The following FHOD3 variants were observed in gnomAD, a reference collection of about 807,000 sequenced individuals.
FHOD3 encodes the protein FH1/FH2 domain-containing protein 3.
A neutral mutation model predicts 173.0 loss-of-function variants in FHOD3; 90 were observed. That is an observed-to-expected ratio of 0.52 (90% CI 0.44 to 0.62). The LOEUF is 0.62. Ranked by LOEUF, FHOD3 falls within the 20% of genes least tolerant of loss-of-function variation. The pLI is 0.00. For synonymous variants in FHOD3, 828 were observed against 823.0 expected, an observed-to-expected ratio of 1.01 and a Z score of -0.10; for missense variants, 1,945 against 2,034.7, an observed-to-expected ratio of 0.96 and a Z score of 0.85.
chr18:36,705,056 A>T (rs904322752), intron 17 of FHOD3, among the ~76,000 whole-genome samples: 1 of 152,140 alleles, frequency 6.6e-6, no homozygotes, highest in Non-Finnish European at 1.5e-5. Context: ...CTCACTCCAC[A>T]GCTCGCAGGC....
chr18:36,630,834 T>A (rs1483012041), intron 10 of FHOD3, among the ~76,000 whole-genome samples: 1 of 152,192 alleles, frequency 6.6e-6, no homozygotes, highest in African/African-American at 2.4e-5. Flanking sequence ...TACACTAGGG[T>A]TACAGAAAAA....
chr18:36,576,350 T>C (rs1033456698), intron 5 of FHOD3, 101 bp from the exon 6 acceptor site: 1 of 710,952 alleles, frequency 1.4e-6, no homozygotes, highest in South Asian at 2.4e-5. Flanking sequence ...CTTAACATAC[T>C]GTGTACTTAA....
intron 3 of FHOD3, among the ~76,000 whole-genome samples, chr18:36,500,448 G>A (rs1478419986): frequency 6.6e-6 from 1 of 152,228 alleles, no homozygotes; most frequent in Admixed American, 6.5e-5. Context: ...AGGGGGGAAT[G>A]TGGCTCTGCC....
At chr18:36,354,521 G>T (rs1183624148) in intron 1 of FHOD3, among the ~76,000 whole-genome samples, 1 of 152,170 alleles carries the variant, frequency 6.6e-6, no homozygotes, top group Non-Finnish European at 1.5e-5. Context: ...AAAATTTTTG[G>T]CTGGGTGTGG....
intron 24 of FHOD3, among the ~76,000 whole-genome samples, chr18:36,748,364 G>GCACA (rs369761727): frequency 3.6e-5 from 5 of 140,828 alleles, no homozygotes; most frequent in East Asian, 2.1e-4. Context: ...ACACGCACGC[G>GCACA]CACACACACA....
At position 36,507,467 on chromosome 18, in the gene FHOD3, G is replaced by A. The variant is rs1164702035; in HGVS notation, c.406-4971G>A. 2.0e-5 allele frequency among the ~76,000 whole-genome samples: 3 copies of A among 152,136 alleles called. No homozygotes were observed. In the East Asian group the frequency reaches 5.8e-4, roughly 29 times the overall value. On this transcript the variant is annotated intron_variant, in intron 4 of 28. Transcript: ENST00000590592. Reference sequence around the variant, plus strand: ...AACACTGCTGGTCCCAGACATTTTGGATAAGGGATACTCAAACTGTATAGA... The same window carrying A: ...AACACTGCTGGTCCCAGACATTTTGAATAAGGGATACTCAAACTGTATAGA...
At chr18:36,401,272 C>T (rs2048799874) in intron 3 of FHOD3, among the ~76,000 whole-genome samples, 1 of 152,146 alleles carries the variant, frequency 6.6e-6, no homozygotes, top group Non-Finnish European at 1.5e-5. Context: ...TAACCACTTT[C>T]CCCTTCCACC....
intron 1 of FHOD3, among the ~76,000 whole-genome samples, chr18:36,301,554 G>A (rs1040715481): frequency 3.9e-5 from 6 of 152,172 alleles, no homozygotes; most frequent in African/African-American, 9.7e-5. Flanking sequence ...ATGGTTATAT[G>A]TTCTAGGTTG....
chr18:36,617,764 A>G (rs1407349132), intron 9 of FHOD3, among the ~76,000 whole-genome samples: 4 of 152,138 alleles, frequency 2.6e-5, no homozygotes, highest in Non-Finnish European at 4.4e-5. Flanking sequence ...CTGTTGGAAA[A>G]TTACATGGGC....
At chr18:36,661,469 G>A (rs1027026490) in intron 14 of FHOD3, among the ~76,000 whole-genome samples, 3 of 152,114 alleles carry the variant, frequency 2.0e-5, no homozygotes, top group African/African-American at 7.2e-5. Context: ...ATGAGGATGC[G>A]CGTCTTCTGT....
chr18:36,445,193 G>A (rs1310347843), intron 3 of FHOD3, among the ~76,000 whole-genome samples: 1 of 152,202 alleles, frequency 6.6e-6, no homozygotes. Context: ...AAAGGCATCA[G>A]CACAGTAGAG....
intron 1 of FHOD3, among the ~76,000 whole-genome samples, chr18:36,323,203 T>G (rs2044492961): frequency 6.6e-6 from 1 of 152,186 alleles, no homozygotes; most frequent in African/African-American, 2.4e-5. Flanking sequence ...CTGTGTGTTA[T>G]GTCAGGGCTG....
intron 3 of FHOD3, among the ~76,000 whole-genome samples, chr18:36,396,376 C>T (rs1250479099): frequency 6.6e-6 from 1 of 152,052 alleles, no homozygotes; most frequent in Non-Finnish European, 1.5e-5. Context: ...TGTGTTAGAC[C>T]TTCTTTGCCT....
intron 5 of FHOD3, among the ~76,000 whole-genome samples, chr18:36,542,809 A>T (rs935909155): frequency 2.0e-5 from 3 of 152,188 alleles, no homozygotes; most frequent in East Asian, 1.9e-4. Flanking sequence ...AATGTTATTT[A>T]AAAAACACCT....
intron 3 of FHOD3, among the ~76,000 whole-genome samples, chr18:36,432,812 C>T (rs370607177): frequency 6.6e-6 from 1 of 152,178 alleles, no homozygotes. Flanking sequence ...TATGTTTGGA[C>T]TTCATTTGGG....
At chr18:36,615,943 G>T (rs1339043227) in intron 9 of FHOD3, among the ~76,000 whole-genome samples, 1 of 152,220 alleles carries the variant, frequency 6.6e-6, no homozygotes, top group African/African-American at 2.4e-5. Context: ...AGCACTTGAA[G>T]CTGCCAACAG....
intron 1 of FHOD3, among the ~76,000 whole-genome samples, chr18:36,314,892 C>T (rs1440448682): frequency 6.6e-6 from 1 of 152,124 alleles, no homozygotes; most frequent in African/African-American, 2.4e-5. Flanking sequence ...CTTTAAAAAT[C>T]GAGGATGTTA....
intron 3 of FHOD3, among the ~76,000 whole-genome samples, chr18:36,382,554 T>A (rs1221882107): frequency 6.6e-6 from 1 of 152,212 alleles, no homozygotes; most frequent in Non-Finnish European, 1.5e-5. Flanking sequence ...TAATTTTGTT[T>A]CAACTAGAAG....
chr18:36,510,092 T>A (rs1296702020), intron 4 of FHOD3, among the ~76,000 whole-genome samples: 3 of 152,212 alleles, frequency 2.0e-5, no homozygotes, highest in African/African-American at 4.8e-5. Flanking sequence ...GTGTGGAAGT[T>A]CTTTTCCAAA....
Sources: gnomAD v4.1 joint callset for allele counts (sites outside exome capture counted in the v4.1 genomes callset) on GRCh38, gnomAD v4.1.1 for gene constraint, MANE v1.5 for transcripts, NCBI Gene and HGNC (gene_info 2026-07-23, HGNC 2026-07-21) for gene names.